LIPI: variants seen among roughly 807,000 people sequenced by gnomAD.
LIPI encodes lipase I.
LIPI carries 59 observed loss-of-function variants against 50.6 expected under a neutral mutation model. That is an observed-to-expected ratio of 1.16 (90% confidence interval 0.94 to 1.45). The LOEUF is 1.45. Among genes scored for constraint, LIPI ranks in the 40% most tolerant of loss-of-function variants. LIPI has a pLI of 0.00. For synonymous variants in LIPI, 203 were observed against 178.2 expected (o/e 1.14, Z -1.11); for missense variants, 586 against 536.3 (o/e 1.09, Z -0.92).
At chr21:14,140,161 C>T (rs1336015694) in intron 9 of LIPI, among the ~76,000 whole-genome samples, 1 of 151,958 alleles carries the variant, frequency 6.6e-6, no homozygotes, top group Non-Finnish European at 1.5e-5. Flanking sequence ...ACTTAAGAGG[C>T]TATTTTAAGA....
intron 1 of LIPI, among the ~76,000 whole-genome samples, chr21:14,204,482 T>C (rs560963092): frequency 6.6e-6 from 1 of 151,986 alleles, no homozygotes; most frequent in Non-Finnish European, 1.5e-5. Context: ...ATATGTGCAG[T>C]GCAATTCTAA....
chr21:14,180,143 C>A (rs1393456974), intron 4 of LIPI, among the ~76,000 whole-genome samples: 2 of 152,122 alleles, frequency 1.3e-5, no homozygotes. Flanking sequence ...GCAGTACCCT[C>A]AGGCTTCCTA....
rs545051189 is a variant in LIPI at position 14,193,188 on chromosome 21, T to G, written c.47-3769A>C. Among the ~76,000 whole-genome samples, 23 of 152,170 alleles carry G rather than the reference T, an allele frequency of 1.5e-4. No homozygotes were observed. The South Asian group carries it at 2.5e-3, about 16-fold the overall frequency. On this transcript the variant is annotated intron_variant, in intron 1 of 9. Transcript: ENST00000681601. The stretch of plus-strand genomic sequence containing the variant: ...ATCAATTTTAAAAAGATAATGATTT[T>G]GGGCTATTATTTGTAATCCTCAATG...
chr21:14,109,892 T>G (rs2016333796), intron 9 of LIPI, among the ~76,000 whole-genome samples: 1 of 151,842 alleles, frequency 6.6e-6, no homozygotes, highest in South Asian at 2.1e-4. Context: ...CTGTCATGAA[T>G]TTTGATATCT....
intron 9 of LIPI, among the ~76,000 whole-genome samples, chr21:14,120,552 A>G (rs530011374): frequency 2.0e-4 from 31 of 152,362 alleles, no homozygotes; most frequent in South Asian, 1.4e-3. Context: ...AACAGGAGGA[A>G]GTGATGAGAC....
intron 7 of LIPI, among the ~76,000 whole-genome samples, chr21:14,160,350 C>T (rs1380783408): frequency 1.3e-5 from 2 of 150,962 alleles, no homozygotes; most frequent in South Asian, 2.1e-4. Flanking sequence ...AAACATATGT[C>T]AATAAACATA....
chr21:14,170,564 G>A lies in LIPI; in HGVS notation c.644-4113C>T, dbSNP rs536951428. 9.9e-5 allele frequency among the ~76,000 whole-genome samples: 15 copies of A among 152,206 alleles called. No individual in the cohort carries two copies. In the East Asian group the frequency reaches 1.2e-3, roughly 12 times the overall value. ...GGCATGCAAGGCTGGTTCAATATAC[G>A]CAAATCAATAAATGTAATCCAGCAT... is the stretch of plus-strand genomic sequence containing the variant. On this transcript the variant is annotated intron_variant, in intron 4 of 9. Transcript: ENST00000681601.
chr21:14,172,638 T>A (rs1568866661), intron 4 of LIPI, among the ~76,000 whole-genome samples: 1 of 151,774 alleles, frequency 6.6e-6, no homozygotes, highest in Non-Finnish European at 1.5e-5. Flanking sequence ...ACACCGCATA[T>A]TCTCACTCAT....
At chr21:14,159,088 T>C (rs370161430) in intron 7 of LIPI, among the ~76,000 whole-genome samples, 3 of 151,672 alleles carry the variant, frequency 2.0e-5, no homozygotes, top group East Asian at 3.9e-4. Flanking sequence ...GCACGATCTC[T>C]TTCAGAACAG....
chr21:14,196,125 C>T (rs1285647228), intron 1 of LIPI, among the ~76,000 whole-genome samples: 5 of 10,652 alleles, frequency 4.7e-4, no homozygotes, highest in Admixed American at 3.6e-3. Flanking sequence ...GAGTTCGTAG[C>T]GTTTTTTTTT....
chr21:14,195,216 T>C (rs1484953690), intron 1 of LIPI, among the ~76,000 whole-genome samples: 2 of 152,124 alleles, frequency 1.3e-5, no homozygotes, highest in African/African-American at 2.4e-5. Context: ...GAAATCTGCA[T>C]AGGGGTCTCT....
intron 4 of LIPI, among the ~76,000 whole-genome samples, chr21:14,173,968 G>C (rs1769595508): frequency 6.6e-6 from 1 of 152,118 alleles, no homozygotes; most frequent in African/African-American, 2.4e-5. Flanking sequence ...ACGCAAGGAA[G>C]GGCATGCTTC....
intron 8 of LIPI, among the ~76,000 whole-genome samples, chr21:14,147,723 AG>A (rs1383647500): frequency 1.3e-5 from 2 of 152,188 alleles, no homozygotes; most frequent in East Asian, 3.9e-4. Flanking sequence ...CTTTTTAAAT[AG>A]TCACAAAGCT....
intron 4 of LIPI, among the ~76,000 whole-genome samples, chr21:14,171,504 G>A (rs973187590): frequency 1.3e-5 from 2 of 150,366 alleles, no homozygotes; most frequent in Non-Finnish European, 3.0e-5. Flanking sequence ...CATGGTACTG[G>A]TACCAAAACA....
intron 3 of LIPI, 47 bp from the exon 4 acceptor site, chr21:14,181,906 T>C (rs2019285043): frequency 2.6e-5 from 25 of 980,152 alleles, no homozygotes; most frequent in Non-Finnish European, 4.1e-5. Flanking sequence ...TCCACAGAGC[T>C]CCTTACATTG....
intron 7 of LIPI, among the ~76,000 whole-genome samples, chr21:14,156,070 T>C (rs2018259855): frequency 6.6e-6 from 1 of 152,012 alleles, no homozygotes; most frequent in Non-Finnish European, 1.5e-5. Context: ...CTTCAAATGG[T>C]TAAATGTTGG....
intron 9 of LIPI, among the ~76,000 whole-genome samples, chr21:14,140,594 A>AT (rs1320198601): frequency 6.8e-6 from 1 of 146,078 alleles, no homozygotes; most frequent in Non-Finnish European, 1.6e-5. Context: ...ATTTTCCTCC[A>AT]TTTTTTTGTT....
chr21:14,189,131 T>A lies in LIPI; in HGVS notation c.335A>T (p.Asp112Val), dbSNP rs778125047. The A allele has an allele frequency of 1.9e-6, 3 of 1,613,948 alleles. No homozygotes were observed. Among genetic ancestry groups the A allele is most frequent in the Middle Eastern group, 3.3e-4 (2 of 6,062 alleles). The change falls in exon 2 of 10, where the codon GAC becomes GTC. Residue 112 changes from aspartate to valine, a missense_variant. Coordinates refer to ENST00000681601, the MANE Select transcript of LIPI (RefSeq NM_001302998.2). ...AAAAGTTGTAGCACCCCGGCTCCAG[T>A]CTACTACAATTACATTCATATCTTC... is the stretch of plus-strand genomic sequence containing the variant. Reference protein sequence around the residue: ...NEEDMNVIVVDWSRGATTFIY... With the variant: ...NEEDMNVIVVVWSRGATTFIY...
intron 4 of LIPI, among the ~76,000 whole-genome samples, chr21:14,172,240 G>T (rs1600895705): frequency 6.6e-6 from 1 of 151,246 alleles, no homozygotes; most frequent in East Asian, 2.0e-4. Flanking sequence ...AGGATGTGGA[G>T]AAATAGGAAC....
Sources: gnomAD v4.1 joint callset for allele counts (sites outside exome capture counted in the v4.1 genomes callset) on GRCh38, gnomAD v4.1.1 for gene constraint, MANE v1.5 for transcripts, NCBI Gene and HGNC (gene_info 2026-07-23, HGNC 2026-07-21) for gene names.